The following DEUP1 variants were observed in gnomAD, a reference collection of about 807,000 sequenced individuals.
DEUP1 encodes deuterosome assembly protein 1.
In DEUP1, 82 loss-of-function variants were observed where a neutral mutation model predicts 87.4. That is an observed-to-expected ratio of 0.94 (90% confidence interval 0.78 to 1.13). The LOEUF is 1.13. Ranked by LOEUF, DEUP1 falls within the 50% of genes most tolerant of loss-of-function variation. DEUP1 has a pLI of 0.00. For synonymous variants in DEUP1, 214 were observed against 222.7 expected (o/e 0.96, Z 0.35); for missense variants, 663 against 681.5 (o/e 0.97, Z 0.30).
chr11:93,430,160 C>T (rs932195462), intron 13 of DEUP1, among the ~76,000 whole-genome samples: 11 of 152,154 alleles, frequency 7.2e-5, no homozygotes, highest in African/African-American at 2.2e-4. Context: ...GCTACTGTTT[C>T]CCAGCCTGTT....
intron 7 of DEUP1, among the ~76,000 whole-genome samples, chr11:93,382,488 A>G (rs911208368): frequency 4.6e-5 from 7 of 152,212 alleles, no homozygotes; most frequent in African/African-American, 1.7e-4. Flanking sequence ...GGTGTCTCCA[A>G]ATTTCACTCT....
intron 4 of DEUP1, among the ~76,000 whole-genome samples, chr11:93,360,294 C>T (rs1046329102): frequency 2.0e-5 from 3 of 152,204 alleles, no homozygotes; most frequent in Non-Finnish European, 4.4e-5. Flanking sequence ...TAAAGGGGCA[C>T]TCCATTTTCC....
chr11:93,372,412 C>T (rs1945785977), intron 7 of DEUP1, among the ~76,000 whole-genome samples: 1 of 152,146 alleles, frequency 6.6e-6, no homozygotes, highest in African/African-American at 2.4e-5. Context: ...AGGTCACTGC[C>T]TGAGAACTTC....
At chr11:93,405,639 G>A (rs1344645879) in intron 11 of DEUP1, among the ~76,000 whole-genome samples, 1 of 151,944 alleles carries the variant, frequency 6.6e-6, no homozygotes, top group African/African-American at 2.4e-5. Flanking sequence ...AGCAAAAAAT[G>A]AAATATGTAA....
chr11:93,375,321 G>T (rs1239173651), intron 7 of DEUP1, among the ~76,000 whole-genome samples: 1 of 152,054 alleles, frequency 6.6e-6, no homozygotes, highest in African/African-American at 2.4e-5. Flanking sequence ...AGGACTTTCA[G>T]TACTATGTTG....
At chr11:93,417,991 A>C in intron 13 of DEUP1, among the ~76,000 whole-genome samples, 1 of 151,900 alleles carries the variant, frequency 6.6e-6, no homozygotes, top group East Asian at 1.9e-4. Context: ...TAGAAAGCTG[A>C]AACTGGATCC....
At chr11:93,337,067 A>G in intron 2 of DEUP1, among the ~76,000 whole-genome samples, 1 of 152,144 alleles carries the variant, frequency 6.6e-6, no homozygotes, top group East Asian at 1.9e-4. Context: ...AATGCTTCCT[A>G]AACATCTAGG....
intron 3 of DEUP1, among the ~76,000 whole-genome samples, chr11:93,356,534 G>A (rs894348607): frequency 1.3e-5 from 2 of 151,826 alleles, no homozygotes; most frequent in African/African-American, 4.8e-5. Flanking sequence ...TGTATTAGTT[G>A]TTATAAAAAT....
chr11:93,394,206 G>A (rs1295327553), intron 9 of DEUP1, among the ~76,000 whole-genome samples: 1 of 152,122 alleles, frequency 6.6e-6, no homozygotes, highest in Non-Finnish European at 1.5e-5. Context: ...TATCAAAGTA[G>A]TATCAGTCAT....
intron 13 of DEUP1, among the ~76,000 whole-genome samples, chr11:93,416,284 A>G (rs1179957290): frequency 1.3e-5 from 2 of 152,168 alleles, no homozygotes; most frequent in East Asian, 1.9e-4. Flanking sequence ...TAGACTGCTA[A>G]CAAGACTAAT....
intron 2 of DEUP1, among the ~76,000 whole-genome samples, chr11:93,336,883 C>T (rs960369878): frequency 1.3e-5 from 2 of 152,080 alleles, no homozygotes; most frequent in Admixed American, 6.5e-5. Flanking sequence ...TAGGTTTGAC[C>T]TTCTAGGTTA....
chr11:93,343,515 A>C (rs911107906), intron 2 of DEUP1, among the ~76,000 whole-genome samples: 3 of 152,206 alleles, frequency 2.0e-5, no homozygotes, highest in African/African-American at 7.2e-5. Context: ...TTTTTAGAAA[A>C]ATATAAAGAT....
chr11:93,428,392 C>T (rs904547370), intron 13 of DEUP1, among the ~76,000 whole-genome samples: 2 of 141,414 alleles, frequency 1.4e-5, no homozygotes, highest in Non-Finnish European at 3.0e-5. Context: ...GGGCATTGAA[C>T]AATGAGAATA....
chr11:93,430,060 A>G lies in DEUP1; in HGVS notation c.1639-7483A>G, dbSNP rs529554877. ...ATTAAATGCACATTCTGAAGTATTC[A>G]TCTTTCTTTCTTAATCTTGTTGTCT... On this transcript the variant is annotated intron_variant, in intron 13 of 13. Coordinates refer to ENST00000298050, the MANE Select transcript of DEUP1 (RefSeq NM_181645.4). Among the ~76,000 whole-genome samples, 6 of 152,218 alleles carry G rather than the reference A, an allele frequency of 3.9e-5. No homozygotes were observed. In the East Asian group the frequency reaches 9.7e-4, roughly 25 times the overall value.
intron 9 of DEUP1, among the ~76,000 whole-genome samples, chr11:93,390,618 T>C (rs1462950904): frequency 6.6e-6 from 1 of 152,186 alleles, no homozygotes; most frequent in Non-Finnish European, 1.5e-5. Context: ...CTTAACCTCA[T>C]AGATTTAGAT....
chr11:93,401,360 A>G (rs1200229946), intron 11 of DEUP1, among the ~76,000 whole-genome samples: 1 of 152,130 alleles, frequency 6.6e-6, no homozygotes, highest in Non-Finnish European at 1.5e-5. Context: ...TAAAATGACA[A>G]TACTACTCAC....
chr11:93,349,618 A>G (rs934857351), intron 2 of DEUP1, among the ~76,000 whole-genome samples: 1 of 152,102 alleles, frequency 6.6e-6, no homozygotes, highest in Non-Finnish European at 1.5e-5. Flanking sequence ...GAAGAGCTAG[A>G]ATTAGAAGGG....
chr11:93,386,681 C>T (rs72972359), intron 8 of DEUP1, among the ~76,000 whole-genome samples: 234 of 152,280 alleles, frequency 1.5e-3, no homozygotes, highest in Middle Eastern at 0.01. Flanking sequence ...TTGTGTGTCT[C>T]ACCAAGGATG....
intron 7 of DEUP1, among the ~76,000 whole-genome samples, chr11:93,373,631 A>ATATTTATATATGTATATATATATGTGTG (rs1565316408): frequency 1.9e-4 from 25 of 133,406 alleles, no homozygotes; most frequent in Non-Finnish European, 2.9e-4. Context: ...ATACGTATAT[A>ATATTTATATATGTATATATATATGTGTG]TATATATATA....
Sources: allele counts gnomAD v4.1 joint callset (sites outside exome capture counted in the v4.1 genomes callset), GRCh38; gene constraint gnomAD v4.1.1; transcripts MANE v1.5; gene names NCBI Gene and HGNC (gene_info 2026-07-23, HGNC 2026-07-21).